Variants in GPAT3 observed in about 807,000 individuals in gnomAD.
GPAT3 encodes the protein glycerol-3-phosphate acyltransferase 3, also known as 1-AGP acyltransferase 9.
GPAT3 carries 53 observed loss-of-function variants against 58.8 expected under a neutral mutation model. That is an observed-to-expected ratio of 0.90 (90% CI 0.72 to 1.13). The LOEUF (loss-of-function observed/expected upper bound fraction) is 1.13, where lower values mean the gene tolerates loss of function less well. Among genes scored for constraint, GPAT3 ranks in the 50% most tolerant of loss-of-function variants. The probability of loss-of-function intolerance (pLI) is 0.00; values close to 1 mark genes in which losing one functional copy is unlikely to be tolerated. For synonymous variants in GPAT3, 197 were observed against 187.4 expected, an observed-to-expected ratio of 1.05 and a Z score of -0.42; for missense variants, 511 against 527.6, an observed-to-expected ratio of 0.97 and a Z score of 0.31.
At chr4:83,557,824 T>A (rs1391680996) in intron 2 of GPAT3, among the ~76,000 whole-genome samples, 1 of 152,186 alleles carries the variant, frequency 6.6e-6, no homozygotes, top group Non-Finnish European at 1.5e-5. Flanking sequence ...TTTTATTGTT[T>A]GAGGTAGTAT....
intron 11 of GPAT3, among the ~76,000 whole-genome samples, chr4:83,599,916 A>G (rs1011406823): frequency 1.3e-5 from 2 of 152,208 alleles, no homozygotes; most frequent in African/African-American, 4.8e-5. Flanking sequence ...ATAAATTAGT[A>G]ATAGAGATTA....
At chr4:83,574,624 ATTTTTTTTTTTT>A (rs561972057) in intron 2 of GPAT3, among the ~76,000 whole-genome samples, 9 of 55,562 alleles carry the variant, frequency 1.6e-4, no homozygotes, top group Non-Finnish European at 2.8e-4. Flanking sequence ...AGTAAAATGA[ATTTTTTTTTTTT>A]TTTTTTTTTT....
intron 2 of GPAT3, among the ~76,000 whole-genome samples, chr4:83,567,020 G>C (rs1439685759): frequency 6.6e-6 from 1 of 152,042 alleles, no homozygotes; most frequent in African/African-American, 2.4e-5. Flanking sequence ...TTCTCATACT[G>C]TATATGGTTT....
chr4:83,598,601 G>A (rs201411644), intron 10 of GPAT3, 43 bp from the exon 11 acceptor site: 21 of 1,491,714 alleles, frequency 1.4e-5, no homozygotes, highest in African/African-American at 2.8e-5. Context: ...TTAAAAACTC[G>A]ATAACTAAGA....
At chr4:83,583,319 A>G (rs950261496) in intron 3 of GPAT3, among the ~76,000 whole-genome samples, 12 of 151,828 alleles carry the variant, frequency 7.9e-5, no homozygotes, top group African/African-American at 2.9e-4. Context: ...AAAGAAAGAA[A>G]AAAAGCTTCT....
At chr4:83,566,250 G>A (rs957653339) in intron 2 of GPAT3, among the ~76,000 whole-genome samples, 1 of 152,056 alleles carries the variant, frequency 6.6e-6, no homozygotes, top group Non-Finnish European at 1.5e-5. Flanking sequence ...TGTTGACCAG[G>A]CTGGTCTGGA....
chr4:83,540,300 G>C (rs1365338228), intron 1 of GPAT3, among the ~76,000 whole-genome samples: 2 of 152,148 alleles, frequency 1.3e-5, no homozygotes, highest in Non-Finnish European at 2.9e-5. Context: ...AACTTTCCTT[G>C]GGGGGCAGAG....
chr4:83,584,920 C>T (rs116474512), intron 3 of GPAT3, among the ~76,000 whole-genome samples: 1 of 152,160 alleles, frequency 6.6e-6, no homozygotes, highest in African/African-American at 2.4e-5. Context: ...TCTAACATTG[C>T]CTCACTTAAA....
At chr4:83,563,296 A>G (rs1560611863) in intron 2 of GPAT3, among the ~76,000 whole-genome samples, 1 of 152,292 alleles carries the variant, frequency 6.6e-6, no homozygotes, top group African/African-American at 2.4e-5. Context: ...ATAAACTCAC[A>G]TGGGTCAAAA....
At chr4:83,554,008 G>A (rs565584302) in intron 2 of GPAT3, among the ~76,000 whole-genome samples, 1 of 151,342 alleles carries the variant, frequency 6.6e-6, no homozygotes, top group South Asian at 2.1e-4. Flanking sequence ...ATTTATTTAG[G>A]GAGACAGGGT....
At chr4:83,588,356 A>G in intron 5 of GPAT3, 57 bp downstream of exon 5, 1 of 1,526,462 alleles carries the variant, frequency 6.6e-7, no homozygotes, top group Non-Finnish European at 9.1e-7. Context: ...CATGAGATTG[A>G]CAAGGAAGCA....
intron 11 of GPAT3, among the ~76,000 whole-genome samples, chr4:83,603,518 C>T (rs918198146): frequency 1.9e-4 from 29 of 152,140 alleles, no homozygotes; most frequent in Non-Finnish European, 3.5e-4. Flanking sequence ...AGACCGGGCA[C>T]GGTGGCTCAC....
intron 2 of GPAT3, among the ~76,000 whole-genome samples, chr4:83,557,382 G>T (rs141727707): frequency 6.6e-6 from 1 of 152,196 alleles, no homozygotes; most frequent in East Asian, 1.9e-4. Context: ...CATCATCCTG[G>T]CAGACATCAC....
At chr4:83,541,452 G>A (rs575807786) in intron 1 of GPAT3, among the ~76,000 whole-genome samples, 25 of 130,316 alleles carry the variant, frequency 1.9e-4, no homozygotes, top group African/African-American at 5.8e-4. Context: ...AGATTGGTTC[G>A]AACTCCTGGA....
intron 2 of GPAT3, among the ~76,000 whole-genome samples, chr4:83,563,293 C>T (rs957167204): frequency 6.6e-6 from 1 of 152,018 alleles, no homozygotes; most frequent in Non-Finnish European, 1.5e-5. Flanking sequence ...GTAATAAACT[C>T]ACATGGGTCA....
chr4:83,550,151 A>G (rs977015520), intron 2 of GPAT3, among the ~76,000 whole-genome samples: 1 of 152,010 alleles, frequency 6.6e-6, no homozygotes, highest in Non-Finnish European at 1.5e-5. Context: ...GGTGTGAGCC[A>G]CCATGCCCAG....
intron 1 of GPAT3, among the ~76,000 whole-genome samples, chr4:83,542,222 C>A (rs529152535): frequency 6.6e-6 from 1 of 152,274 alleles, no homozygotes; most frequent in African/African-American, 2.4e-5. Context: ...CTGAGATTAA[C>A]AATGATTGTT....
At position 83,547,380 on chromosome 4, in the gene GPAT3, G is replaced by A. The variant is rs1045891970; in HGVS notation, c.208+2778G>A. ...CCATTCTCCTGCCTCAGCCTCCCGAGTAGCTGGGACTACAGGTGCCCGCCA... is the reference window on the plus strand; with the variant it reads ...CCATTCTCCTGCCTCAGCCTCCCGAATAGCTGGGACTACAGGTGCCCGCCA... On this transcript the variant is annotated intron_variant, in intron 2 of 11. Coordinates refer to ENST00000264409, the MANE Select transcript of GPAT3 (RefSeq NM_032717.5). Among the ~76,000 whole-genome samples, 6 of 150,478 alleles carry A rather than the reference G, an allele frequency of 4.0e-5. No homozygotes were observed. In the South Asian group the frequency reaches 1.3e-3, roughly 32 times the overall value.
At chr4:83,576,264 T>C (rs1725809755) in intron 2 of GPAT3, among the ~76,000 whole-genome samples, 1 of 152,182 alleles carries the variant, frequency 6.6e-6, no homozygotes, top group South Asian at 2.1e-4. Flanking sequence ...ACTATTTTGC[T>C]AATGCAAACA....
Sources: gnomAD v4.1 joint callset for allele counts (sites outside exome capture counted in the v4.1 genomes callset) on GRCh38, gnomAD v4.1.1 for gene constraint, MANE v1.5 for transcripts, NCBI Gene and HGNC (gene_info 2026-07-23, HGNC 2026-07-21) for gene names.